The following NAV1 variants were observed in gnomAD, a reference collection of about 807,000 sequenced individuals.
NAV1 encodes the protein pore membrane and/or filament interacting like protein 3.
Under a neutral mutation model 175.2 loss-of-function variants are expected in NAV1, and 18 were observed. That is an observed-to-expected ratio of 0.10 (90% CI 0.07 to 0.15). The LOEUF is 0.15. Ranked by LOEUF, NAV1 falls within the 10% of genes least tolerant of loss-of-function variation. The pLI is 1.00. For synonymous variants in NAV1, 897 were observed against 978.7 expected, an observed-to-expected ratio of 0.92 and a Z score of 1.56; for missense variants, 1,731 against 2,436.6, an observed-to-expected ratio of 0.71 and a Z score of 6.10.
intron 2 of NAV1, among the ~76,000 whole-genome samples, chr1:201,607,173 T>A (rs2102244614): frequency 6.6e-6 from 1 of 150,646 alleles, no homozygotes; most frequent in African/African-American, 2.4e-5. Context: ...TGGAGTGCAG[T>A]GGCAGGATCT....
chr1:201,806,625 G>A (rs1003743072), intron 17 of NAV1, among the ~76,000 whole-genome samples: 3 of 152,288 alleles, frequency 2.0e-5, no homozygotes, highest in South Asian at 2.1e-4. Flanking sequence ...TAAGTCTTAC[G>A]TCAATTATGC....
intron 1 of NAV1, among the ~76,000 whole-genome samples, chr1:201,702,042 G>T (rs1229481648): frequency 6.6e-6 from 1 of 152,256 alleles, no homozygotes; most frequent in African/African-American, 2.4e-5. Context: ...ATATCATTCA[G>T]CCCTGAAGAG....
intron 3 of NAV1, among the ~76,000 whole-genome samples, chr1:201,771,753 G>C (rs1432883557): frequency 6.6e-6 from 1 of 152,190 alleles, no homozygotes; most frequent in East Asian, 1.9e-4. Context: ...CAGATCCACA[G>C]ATGAGCCATA....
chr1:201,612,984 T>C (rs1191807640), intron 2 of NAV1, among the ~76,000 whole-genome samples: 1 of 152,146 alleles, frequency 6.6e-6, no homozygotes, highest in East Asian at 1.9e-4. Context: ...GATTTGGCCC[T>C]GGGAGGAACT....
At chr1:201,711,766 G>T (rs546159967) in intron 1 of NAV1, among the ~76,000 whole-genome samples, 1 of 152,204 alleles carries the variant, frequency 6.6e-6, no homozygotes, top group African/African-American at 2.4e-5. Context: ...ATAAGCCATG[G>T]GGCAGGGCCA....
exon 30 of NAV1, chr1:201,824,744 C>G (rs1211736503): frequency 6.6e-6 from 1 of 152,064 alleles, no homozygotes. Context: ...GAGTGATCCC[C>G]TGGTTTCTCA....
At chr1:201,695,858 G>A (rs922349748) in intron 1 of NAV1, among the ~76,000 whole-genome samples, 2 of 152,194 alleles carry the variant, frequency 1.3e-5, no homozygotes, top group African/African-American at 2.4e-5. Context: ...CAGGAGCTCC[G>A]GCTGCACCGC....
chr1:201,660,070 G>A (rs1477243831), intron 1 of NAV1, among the ~76,000 whole-genome samples: 2 of 152,272 alleles, frequency 1.3e-5, no homozygotes, highest in South Asian at 2.1e-4. Context: ...GCTCCCACAG[G>A]GCCTTGATGG....
intron 2 of NAV1, among the ~76,000 whole-genome samples, chr1:201,632,946 C>T (rs1668520028): frequency 6.6e-6 from 1 of 152,188 alleles, no homozygotes; most frequent in Admixed American, 6.5e-5. Flanking sequence ...AGCTAGTGTG[C>T]CTGGGGCAGG....
At chr1:201,614,852 G>A (rs1465760977) in intron 2 of NAV1, among the ~76,000 whole-genome samples, 2 of 152,160 alleles carry the variant, frequency 1.3e-5, no homozygotes, top group Admixed American at 6.5e-5. Context: ...GTGCTTCAGC[G>A]TCCTTGCCTC....
chr1:201,580,513 C>T lies in NAV1; in HGVS notation c.-143-8026C>T, dbSNP rs576500920. ...TTCAGCCAGGAGTGATGGCTCATGC[C>T]TGTAATCCCACCACTTTGGGAGGCT... is the stretch of plus-strand genomic sequence containing the variant. On this transcript the variant is annotated intron_variant, in intron 1 of 33. Coordinates refer to the NAV1 transcript ENST00000685211. Among the ~76,000 whole-genome samples, 8 of 152,334 alleles carry T rather than the reference C, an allele frequency of 5.3e-5. No homozygotes were observed. The South Asian group carries it at 1.0e-3, about 20-fold the overall frequency.
In NAV1 at chr1:201,740,822, G is replaced by C. The variant is rs1019050608; in HGVS notation, c.1226+22067G>C. Among the ~76,000 whole-genome samples, 1 of 152,050 alleles carries C rather than the reference G, an allele frequency of 6.6e-6. No individual in the cohort carries two copies. Among genetic ancestry groups the C allele is most frequent in the African/African-American group, 2.4e-5 (1 of 41,400 alleles). On this transcript the variant is annotated intron_variant, in intron 3 of 29. Coordinates refer to ENST00000367296, the Ensembl canonical transcript of NAV1. This position sits in a 1 kb window ranked among gnomAD's most constrained non-coding sequence, Gnocchi z 4.7. ...GTGAGTGTAACCACAGCTGGCCCTG[G>C]GACTCTCTGAGCTGACTTGGAAACT...
At chr1:201,615,263 CTTTCT>C (rs1218276393) in intron 2 of NAV1, among the ~76,000 whole-genome samples, 9 of 145,086 alleles carry the variant, frequency 6.2e-5, no homozygotes, top group African/African-American at 2.4e-4. Flanking sequence ...TTCTTTCTTT[CTTTCT>C]TTTTTTTTTT....
At chr1:201,568,651 A>G (rs769417850) in intron 1 of NAV1, among the ~76,000 whole-genome samples, 2 of 152,198 alleles carry the variant, frequency 1.3e-5, no homozygotes, top group African/African-American at 2.4e-5. Context: ...TAAAATGAAA[A>G]TGTTAAGCAC....
At chr1:201,604,593 A>G (rs558406660) in intron 2 of NAV1, among the ~76,000 whole-genome samples, 2 of 151,992 alleles carry the variant, frequency 1.3e-5, no homozygotes, top group East Asian at 3.9e-4. Context: ...GAGGTGGTAG[A>G]ATCGCTTGAA....
At chr1:201,585,539 A>G (rs1447134583) in intron 1 of NAV1, among the ~76,000 whole-genome samples, 1 of 152,212 alleles carries the variant, frequency 6.6e-6, no homozygotes, top group Non-Finnish European at 1.5e-5. Context: ...CCCACAGATT[A>G]GGAAAAAAAA....
At chr1:201,610,760 G>A (rs564899834) in intron 2 of NAV1, among the ~76,000 whole-genome samples, 17 of 152,268 alleles carry the variant, frequency 1.1e-4, no homozygotes, top group Admixed American at 9.8e-4. Context: ...AGTAAGAGGT[G>A]AAATCTTTGC....
chr1:201,579,851 A>G (rs1472589005), intron 1 of NAV1, among the ~76,000 whole-genome samples: 1 of 152,224 alleles, frequency 6.6e-6, no homozygotes, highest in African/African-American at 2.4e-5. Flanking sequence ...GAATTGGCTC[A>G]TGTGATTTTG....
At chr1:201,593,272 C>A (rs1667256588) in intron 2 of NAV1, among the ~76,000 whole-genome samples, 1 of 152,206 alleles carries the variant, frequency 6.6e-6, no homozygotes, top group African/African-American at 2.4e-5. Context: ...CTATCAACCC[C>A]ACAAGCCTGT....
Sources: gnomAD v4.1 joint callset for allele counts (sites outside exome capture counted in the v4.1 genomes callset) on GRCh38, gnomAD v4.1.1 for gene constraint, Gnocchi (gnomAD v3.1) non-coding constraint, MANE v1.5 for transcripts, NCBI Gene and HGNC (gene_info 2026-07-23, HGNC 2026-07-21) for gene names.